The following NRDE2 variants were observed in gnomAD, a reference collection of about 807,000 sequenced individuals.
The protein encoded by NRDE2 is nuclear exosome regulator NRDE2.
In NRDE2, 76 loss-of-function variants were observed where a neutral mutation model predicts 124.2. The observed-to-expected ratio is 0.61, with a 90% CI of 0.51 to 0.74. NRDE2 has a LOEUF of 0.74. Among genes scored for constraint, NRDE2 ranks in the 30% least tolerant of loss-of-function variants. The pLI, the probability that NRDE2 is intolerant of heterozygous loss-of-function variation, is 0.00. For missense variants in NRDE2, 1,314 were observed against 1,417.3 expected (o/e 0.93, Z 1.17); for synonymous variants, 489 against 528.1 (o/e 0.93, Z 1.01).
chr14:90,312,253 A>G, intron 4 of NRDE2, 141 bp downstream of exon 4: 1 of 700,282 alleles, frequency 1.4e-6, no homozygotes. Context: ...GAGATGAGAC[A>G]TGTGCCTGAA....
rs781176314 is a variant in NRDE2 at position 90,292,780 on chromosome 14, G to A, written c.1759C>T (p.Arg587Cys). The change falls in exon 9 of 14, where the codon CGT becomes TGT. Residue 587 changes from arginine to cysteine, a missense_variant. Coordinates refer to ENST00000354366, the MANE Select transcript of NRDE2 (RefSeq NM_017970.4). Reference protein sequence around the residue: ...WQIWLAAERSRDQRHWRPWRP... With the variant: ...WQIWLAAERSCDQRHWRPWRP... ...CAGGGCCGCCAGTGCCTCTGGTCAC[G>A]GGAACGCTCAGCAGCAAGCCAGATC... 1.7e-5 allele frequency: 28 copies of A among 1,614,060 alleles called. No individual in the cohort carries two copies. Among genetic ancestry groups the A allele is most frequent in the South Asian group, 5.5e-5 (5 of 91,084 alleles).
chr14:90,303,171 G>A, intron 5 of NRDE2, 46 bp from the exon 6 acceptor site: 1 of 1,543,758 alleles, frequency 6.5e-7, no homozygotes, highest in East Asian at 2.3e-5. Flanking sequence ...GGACCTGGGA[G>A]ATCCTGAGTT....
chr14:90,318,083 C>T lies in NRDE2; in HGVS notation c.95G>A (p.Cys32Tyr), dbSNP rs7140914. ...GCTCAGGGACGTTATGGATCCAACACAAAAGCTTGGGTTGCTCAGCCAGTC... is the reference window on the plus strand; with the variant it reads ...GCTCAGGGACGTTATGGATCCAACATAAAAGCTTGGGTTGCTCAGCCAGTC... ...ELDWLSNPSF[C>Y]VGSITSLSQQ... The change falls in exon 2 of 14, where the codon TGT becomes TAT. Residue 32 changes from cysteine (C) to tyrosine (Y), a missense_variant. Coordinates refer to ENST00000354366, the MANE Select transcript of NRDE2 (RefSeq NM_017970.4). The T allele has an allele frequency of 3.1e-6, 5 of 1,613,940 alleles. No homozygotes were observed. The South Asian group carries it at 5.5e-5, about 18-fold the overall frequency.
rs1595049908 is a variant in NRDE2, at chr14:90,275,704, C to T, written c.*2632G>A. ...AAGTGCTTGTGAAATAACAGAATTC[C>T]CACAGTAATTTCTTCCCTGGCTTCC... On this transcript the variant is annotated 3_prime_UTR_variant, in exon 14 of 14. Coordinates refer to ENST00000354366, the MANE Select transcript of NRDE2 (RefSeq NM_017970.4). 6.6e-6 allele frequency: 1 copy of T among 152,268 alleles called. No individual in the cohort carries two copies. Among genetic ancestry groups the T allele is most frequent in the African/African-American group, 2.4e-5 (1 of 41,560 alleles). The allele number at this position is 152,268 out of a possible 1,614,324, so 9.4% of individuals were successfully genotyped here. A position where few individuals can be genotyped will look rare whatever the true frequency, so the allele number is the denominator to read the frequency against.
Position 90,274,834 on chromosome 14 carries a change from A to ACCCC in NRDE2, c.*3501_*3502insGGGG, listed in dbSNP as rs1374244227. 1.1e-4 allele frequency: 6 copies of ACCCC among 54,354 alleles called. No homozygotes were observed. The East Asian group carries it at 2.4e-3, about 22-fold the overall frequency. The allele number at this position is 54,354 out of a possible 1,614,324, so 3.4% of individuals were successfully genotyped here. On this transcript the variant is annotated 3_prime_UTR_variant, in exon 14 of 14. Transcript: ENST00000354366. ...CACACACACACACACACACACACAC[A>ACCCC]CACACCCCAATACATATGAATTGAT...
intron 2 of NRDE2, chr14:90,317,635 C>T (rs190738141): frequency 6.2e-6 from 1 of 160,214 alleles, no homozygotes; most frequent in Non-Finnish European, 1.4e-5. Flanking sequence ...GTTTTGATGC[C>T]ATTTTTAATC....
At position 90,275,455 on chromosome 14, in the gene NRDE2, T is replaced by C. The variant is rs759756250; in HGVS notation, c.*2881A>G. Reference sequence around the variant, plus strand: ...GCACATCAGTATTGCCTTTTCCTCATTGGTAATAGCTGAGCGTTTTCCTCT... The same window carrying C: ...GCACATCAGTATTGCCTTTTCCTCACTGGTAATAGCTGAGCGTTTTCCTCT... On this transcript the variant is annotated 3_prime_UTR_variant, in exon 14 of 14. Transcript: ENST00000354366. 1.3e-5 allele frequency: 2 copies of C among 152,156 alleles called. No homozygotes were observed. Among genetic ancestry groups the C allele is most frequent in the Non-Finnish European group, 2.9e-5 (2 of 68,022 alleles). The allele number at this position is 152,156 out of a possible 1,614,324, so 9.4% of individuals were successfully genotyped here.
At chr14:90,316,869 C>G in intron 2 of NRDE2, 58 bp from the exon 3 acceptor site, 1 of 1,113,900 alleles carries the variant, frequency 9.0e-7, no homozygotes. Context: ...AAAAATAATA[C>G]TATGTAAATA....
At position 90,272,871 on chromosome 14, in the gene NRDE2, A is replaced by C. The variant is rs1407440096; in HGVS notation, c.*5465T>G. 6.5e-6 allele frequency: 1 copy of C among 152,910 alleles called. No individual in the cohort carries two copies. Among genetic ancestry groups the C allele is most frequent in the African/African-American group, 2.4e-5 (1 of 41,406 alleles). The allele number at this position is 152,910 out of a possible 1,614,324, so 9.5% of individuals were successfully genotyped here. On this transcript the variant is annotated 3_prime_UTR_variant, in exon 14 of 14. Transcript: ENST00000354366. This position sits in a 1 kb window ranked among gnomAD's most constrained non-coding sequence, Gnocchi z 4.5. ...TAATAAAGGCTGCGTTAATGTGGCTATTGCTTCCAAAGGAAGTACAGCTTT... is the reference window on the plus strand; with the variant it reads ...TAATAAAGGCTGCGTTAATGTGGCTCTTGCTTCCAAAGGAAGTACAGCTTT...
At chr14:90,286,225 G>T in intron 12 of NRDE2, 129 bp downstream of exon 12, 1 of 1,014,534 alleles carries the variant, frequency 9.9e-7, no homozygotes, top group East Asian at 2.6e-5. Context: ...ATGCCAAGAA[G>T]ATGAGAGTGA....
At position 90,270,199 on chromosome 14, in the gene NRDE2, C is replaced by T; in HGVS notation, c.*8137G>A. 6.2e-7 allele frequency: 1 copy of T among 1,613,462 alleles called. No homozygotes were observed. Among genetic ancestry groups the T allele is most frequent in the Non-Finnish European group, 8.5e-7 (1 of 1,179,608 alleles). On this transcript the variant is annotated 3_prime_UTR_variant, in exon 14 of 14. Coordinates refer to ENST00000354366, the MANE Select transcript of NRDE2 (RefSeq NM_017970.4). ...CTTCAAATCTCTTTGTACCTGCAGGCCGCATTGACAGGAAGATTGAGTTCC... is the reference window on the plus strand; with the variant it reads ...CTTCAAATCTCTTTGTACCTGCAGGTCGCATTGACAGGAAGATTGAGTTCC...
rs1287636629 is a variant in NRDE2 at position 90,274,328 on chromosome 14, G to A, written c.*4008C>T. The A allele has an allele frequency of 6.4e-6, 1 of 155,882 alleles. No individual in the cohort carries two copies. The highest frequency in any genetic ancestry group is 2.4e-5 in the African/African-American group (1 of 41,506). The allele number at this position is 155,882 out of a possible 1,614,324, so 9.7% of individuals were successfully genotyped here. On this transcript the variant is annotated 3_prime_UTR_variant, in exon 14 of 14. Coordinates refer to ENST00000354366, the MANE Select transcript of NRDE2 (RefSeq NM_017970.4). ...CAGTATGAGAGCCCAAGTGGGTGAG[G>A]AAGGCATCTGCAGGGACGGGGTGGT...
intron 6 of NRDE2, among the ~76,000 whole-genome samples, 189 bp downstream of exon 6, chr14:90,302,531 C>T (rs1297392552): frequency 1.3e-5 from 2 of 152,144 alleles, no homozygotes; most frequent in African/African-American, 2.4e-5. Context: ...GCCCTATTGC[C>T]CCCACCTGCC....
chr14:90,291,678 C>G (rs1180882149), intron 9 of NRDE2, among the ~76,000 whole-genome samples: 1 of 152,232 alleles, frequency 6.6e-6, no homozygotes, highest in Non-Finnish European at 1.5e-5. Flanking sequence ...AAGCTGGCCC[C>G]TTCTTCCTCC....
chr14:90,304,605 C>T, intron 4 of NRDE2: 1 of 488,746 alleles, frequency 2.0e-6, no homozygotes. Flanking sequence ...TCTTCTTTAA[C>T]ATCTCATGAA....
Position 90,289,150 on chromosome 14 carries a change from AGG to A in NRDE2, c.2230-7_2230-6del, listed in dbSNP as rs1240577829. On this transcript the variant is annotated splice_region_variant and splice_polypyrimidine_tract_variant and intron_variant, in intron 10 of 13. Coordinates refer to ENST00000354366, the MANE Select transcript of NRDE2 (RefSeq NM_017970.4). ...AGTGTGCAGGCACCAAATGACCTAC[AGG>A]GAAAAAGAGAAGAATGACTGCAGGT... 7 of 1,585,562 alleles carry A rather than the reference AGG, an allele frequency of 4.4e-6. No individual in the cohort carries two copies. The highest frequency in any genetic ancestry group is 6.0e-6 in the Non-Finnish European group (7 of 1,161,124).
intron 1 of NRDE2, among the ~76,000 whole-genome samples, chr14:90,324,586 G>A (rs1297177924): frequency 2.0e-5 from 3 of 149,588 alleles, no homozygotes; most frequent in Non-Finnish European, 4.4e-5. Context: ...TGAGGGAGGA[G>A]AATCGTTTGA....
At chr14:90,286,627 C>T (rs762446991) in intron 11 of NRDE2, 135 bp from the exon 12 acceptor site, 8 of 1,136,430 alleles carry the variant, frequency 7.0e-6, no homozygotes, top group Non-Finnish European at 8.6e-6. Context: ...GTCCCTCAGG[C>T]GTAGAGCGCT....
intron 1 of NRDE2, among the ~76,000 whole-genome samples, chr14:90,327,815 T>C (rs112456675): frequency 6.6e-6 from 1 of 152,066 alleles, no homozygotes; most frequent in African/African-American, 2.4e-5. Context: ...CTGGCCAACA[T>C]GGTGAAACTC....
Sources: allele counts gnomAD v4.1 joint callset (sites outside exome capture counted in the v4.1 genomes callset), GRCh38; gene constraint gnomAD v4.1.1; non-coding constraint Gnocchi (gnomAD v3.1); transcripts MANE v1.5; gene names NCBI Gene and HGNC (gene_info 2026-07-23, HGNC 2026-07-21).